NIPAL3: variants seen among roughly 807,000 people sequenced by gnomAD.
The protein encoded by NIPAL3 is NIPA-like protein 3.
Under a neutral mutation model 47.2 loss-of-function variants are expected in NIPAL3, and 41 were observed. That is an observed-to-expected ratio of 0.87 (90% CI 0.68 to 1.13). The LOEUF is 1.13. NIPAL3 is among the 50% of genes most tolerant of loss of function. The probability of loss-of-function intolerance (pLI) is 0.00; values close to 1 mark genes in which losing one functional copy is unlikely to be tolerated. For synonymous variants in NIPAL3, 194 were observed against 209.6 expected (o/e 0.93, Z 0.64); for missense variants, 449 against 530.1 (o/e 0.85, Z 1.50).
chr1:24,460,607 CT>C, intron 10 of NIPAL3, 63 bp downstream of exon 10: 1 of 1,363,444 alleles, frequency 7.3e-7, no homozygotes, highest in Non-Finnish European at 9.9e-7. Flanking sequence ...CAGGTTGCCC[CT>C]CTCTCTCCCT....
intron 7 of NIPAL3, among the ~76,000 whole-genome samples, chr1:24,455,142 G>A (rs1646133307): frequency 6.6e-6 from 1 of 152,214 alleles, no homozygotes; most frequent in Non-Finnish European, 1.5e-5. Context: ...ATAAACCAAA[G>A]CTGAAGAATA....
chr1:24,440,686 T>G (rs1002345018), intron 3 of NIPAL3, among the ~76,000 whole-genome samples: 2 of 152,180 alleles, frequency 1.3e-5, no homozygotes, highest in Non-Finnish European at 2.9e-5. Context: ...AGCTGTGGTG[T>G]GTAGCAAGTT....
At position 24,419,321 on chromosome 1, in the gene NIPAL3, C is replaced by G. The variant is rs770597198; in HGVS notation, c.-227C>G. 11 of 1,252,816 alleles carry G rather than the reference C, an allele frequency of 8.8e-6. No homozygotes were observed. The highest frequency in any genetic ancestry group is 1.1e-5 in the Non-Finnish European group (11 of 998,868). 77.6% of individuals were successfully genotyped at this position (1,252,816 alleles called of 1,614,324 possible). A position where few individuals can be genotyped will look rare whatever the true frequency, so the allele number is the denominator to read the frequency against. ...CGCAAGAACTGGAAAACACACCCCT[C>G]TCTGTCTGCCTGGGAGAGCCACGGA... On this transcript the variant is annotated 5_prime_UTR_variant, in exon 2 of 12. Transcript: ENST00000374399.
At chr1:24,428,525 C>T (rs549240139) in intron 2 of NIPAL3, among the ~76,000 whole-genome samples, 3 of 152,286 alleles carry the variant, frequency 2.0e-5, no homozygotes, top group East Asian at 1.9e-4. Context: ...CTGGGTTCCC[C>T]ACTCAGTCAA....
intron 10 of NIPAL3, 115 bp downstream of exon 10, chr1:24,460,659 G>A (rs1646429689): frequency 8.4e-6 from 7 of 834,550 alleles, no homozygotes; most frequent in Non-Finnish European, 1.2e-5. Flanking sequence ...CAGAGGAGCT[G>A]TGGGGTTTTG....
At chr1:24,462,153 T>C (rs1012423539) in intron 10 of NIPAL3, among the ~76,000 whole-genome samples, 1 of 152,146 alleles carries the variant, frequency 6.6e-6, no homozygotes, top group African/African-American at 2.4e-5. Flanking sequence ...AAGCCCCTTA[T>C]AAAGCCATCA....
chr1:24,414,254 C>G (rs1643907558), upstream of NIPAL3: 2 of 152,044 alleles, frequency 1.3e-5, no homozygotes, highest in African/African-American at 4.8e-5. Context: ...CCACGTTGGC[C>G]AGGCTGGTCT....
chr1:24,428,693 C>T (rs555483567), intron 2 of NIPAL3, among the ~76,000 whole-genome samples: 4 of 152,196 alleles, frequency 2.6e-5, no homozygotes, highest in South Asian at 4.1e-4. Flanking sequence ...TAAATTTGTA[C>T]GCCTTTTCTC....
At chr1:24,456,880 A>G (rs1430524469) in intron 8 of NIPAL3, among the ~76,000 whole-genome samples, 1 of 151,842 alleles carries the variant, frequency 6.6e-6, no homozygotes, top group African/African-American at 2.4e-5. Flanking sequence ...CTCCTGCCTC[A>G]GCCTCCCAAG....
chr1:24,429,831 G>T (rs1239402787), intron 2 of NIPAL3, among the ~76,000 whole-genome samples: 3 of 152,164 alleles, frequency 2.0e-5, no homozygotes, highest in Non-Finnish European at 4.4e-5. Context: ...AGCTGTCTCA[G>T]CCTGATGGCC....
At chr1:24,452,853 A>ATTTTTT (rs3054551) in intron 6 of NIPAL3, among the ~76,000 whole-genome samples, 10 of 124,188 alleles carry the variant, frequency 8.1e-5, no homozygotes, top group Non-Finnish European at 1.3e-4. Context: ...CGCCCAGCTA[A>ATTTTTT]TTTTTTTTTT....
chr1:24,419,704 G>C, intron 2 of NIPAL3, 64 bp downstream of exon 2: 1 of 1,433,152 alleles, frequency 7.0e-7, no homozygotes, highest in East Asian at 2.4e-5. Context: ...ACAGTGCTCT[G>C]CATTGGCTAA....
In NIPAL3 at chr1:24,442,014, C is replaced by G. The variant is rs750255056; in HGVS notation, c.163-41C>G. On this transcript the variant is annotated intron_variant, in intron 3 of 11. Coordinates refer to ENST00000374399, the MANE Select transcript of NIPAL3 (RefSeq NM_020448.5). Reference sequence around the variant, plus strand: ...TACCTACATCATAGCATTTTTTTCCCCAAACATCTGAGCAAATTGCATTAT... The same window carrying G: ...TACCTACATCATAGCATTTTTTTCCGCAAACATCTGAGCAAATTGCATTAT... The G allele has an allele frequency of 2.5e-6, 4 of 1,592,504 alleles. No homozygotes were observed. In the Admixed American group the frequency reaches 5.2e-5, roughly 21 times the overall value.
At chr1:24,435,605 C>T (rs543563861) in intron 2 of NIPAL3, among the ~76,000 whole-genome samples, 1 of 152,352 alleles carries the variant, frequency 6.6e-6, no homozygotes, top group East Asian at 1.9e-4. Flanking sequence ...CTCCCCCACC[C>T]ATGATGCTAT....
At chr1:24,464,877 A>G (rs1004218237) in intron 11 of NIPAL3, 15 of 152,222 alleles carry the variant, frequency 9.9e-5, no homozygotes, top group African/African-American at 3.4e-4. Flanking sequence ...TCTCATGAAC[A>G]AAATATAAAC....
chr1:24,439,842 T>C (rs947749493), intron 2 of NIPAL3, among the ~76,000 whole-genome samples: 6 of 152,248 alleles, frequency 3.9e-5, no homozygotes, highest in African/African-American at 1.4e-4. Context: ...ATTTCTCTTG[T>C]AAATTCTGAT....
chr1:24,453,491 G>A lies in NIPAL3; in HGVS notation c.624G>A (p.Leu208=), dbSNP rs1162461860. ...ACAACATTGTCGTGATTCTTCTCTT[G>A]GTGGCGTTACTTGGTAAGTTGGCAT... The part of the protein sequence containing the change: ...NANNIVVILL[L]VALLGSMTVV... The change falls in exon 7 of 12, where the codon TTG becomes TTA. Residue 208 remains leucine, a synonymous_variant. Transcript: ENST00000374399. 1 of 1,613,258 alleles carries A rather than the reference G, an allele frequency of 6.2e-7. No homozygotes were observed. Among genetic ancestry groups the A allele is most frequent in the Non-Finnish European group, 8.5e-7 (1 of 1,179,664 alleles).
intron 2 of NIPAL3, among the ~76,000 whole-genome samples, chr1:24,426,334 G>A (rs994815288): frequency 3.3e-5 from 5 of 149,828 alleles, no homozygotes; most frequent in South Asian, 2.1e-4. Flanking sequence ...TCAGTCCGTC[G>A]CCCAGGCTGG....
chr1:24,468,805 C>T (rs1025003754), intron 11 of NIPAL3, among the ~76,000 whole-genome samples, 181 bp from the exon 12 acceptor site: 8 of 152,114 alleles, frequency 5.3e-5, no homozygotes, highest in Non-Finnish European at 7.3e-5. Flanking sequence ...GCTTAGCAAC[C>T]GTAATAGTTC....
Sources: allele counts gnomAD v4.1 joint callset (sites outside exome capture counted in the v4.1 genomes callset), GRCh38; gene constraint gnomAD v4.1.1; transcripts MANE v1.5; gene names NCBI Gene and HGNC (gene_info 2026-07-23, HGNC 2026-07-21).